Variants in PCSK5 observed in about 807,000 individuals in gnomAD.
PCSK5 encodes proprotein convertase subtilisin/kexin type 5.
In PCSK5, 129 loss-of-function variants were observed where a neutral mutation model predicts 233.2. That is an observed-to-expected ratio of 0.55 (90% CI 0.48 to 0.64). The LOEUF (loss-of-function observed/expected upper bound fraction) is 0.64, where lower values mean the gene tolerates loss of function less well. PCSK5 is among the 30% of genes least tolerant of loss of function. PCSK5 has a pLI of 0.00. For synonymous variants in PCSK5, 825 were observed against 879.2 expected (o/e 0.94, Z 1.09); for missense variants, 2,076 against 2,430.1 (o/e 0.85, Z 3.06).
chr9:76,284,584 G>A (rs1465763127), intron 24 of PCSK5, among the ~76,000 whole-genome samples: 2 of 143,458 alleles, frequency 1.4e-5, no homozygotes, highest in African/African-American at 5.2e-5. Context: ...TCAGGCTGGA[G>A]TGCAATGGCG....
Position 76,055,269 on chromosome 9 carries a change from TC to T in PCSK5, c.633-12681del, listed in dbSNP as rs902633735. Among the ~76,000 whole-genome samples, 92 of 152,200 alleles carry T rather than the reference TC, an allele frequency of 6.0e-4. 3 individuals are homozygous for T. Among genetic ancestry groups the T allele is most frequent in the African/African-American group, 2.0e-3 (84 of 41,562 alleles). ...TTTGAACAAGTTTTCCTGACTCTCT[TC>T]CCCCATAACAAAAAATTTACTGTTT... On this transcript the variant is annotated intron_variant, in intron 5 of 37. Coordinates refer to ENST00000674117, the MANE Select transcript of PCSK5 (RefSeq NM_001372043.1).
Position 76,360,356 on chromosome 9 carries a change from T to G in PCSK5, c.*1434T>G, listed in dbSNP as rs144668464. 6.6e-6 allele frequency: 1 copy of G among 152,262 alleles called. No individual in the cohort carries two copies. Among genetic ancestry groups the G allele is most frequent in the Non-Finnish European group, 1.5e-5 (1 of 68,028 alleles). 9.4% of individuals were successfully genotyped at this position (152,262 alleles called of 1,614,324 possible). Reference sequence around the variant, plus strand: ...AGGAAACCTGAGGCTTACAAGAGGTTAGGTAACTAGTCCAAGGTCATGCAA... The same window carrying G: ...AGGAAACCTGAGGCTTACAAGAGGTGAGGTAACTAGTCCAAGGTCATGCAA... On this transcript the variant is annotated 3_prime_UTR_variant, in exon 38 of 38. Transcript: ENST00000674117.
In PCSK5 at chr9:76,121,886, G is replaced by C. The variant is rs1334620353; in HGVS notation, c.1209-12223G>C. Reference sequence around the variant, plus strand: ...TCGCCCAGGCTGGAGTGCAGTGGCGGGATCTCGGCTCACTGCAAGCTCCGC... The same window carrying C: ...TCGCCCAGGCTGGAGTGCAGTGGCGCGATCTCGGCTCACTGCAAGCTCCGC... On this transcript the variant is annotated intron_variant, in intron 9 of 37. Transcript: ENST00000674117. Among the ~76,000 whole-genome samples, 58 of 42,544 alleles carry C rather than the reference G, an allele frequency of 1.4e-3. 13 individuals carry two copies. Among genetic ancestry groups the C allele is most frequent in the Non-Finnish European group, 6.2e-5 (1 of 16,178 alleles). 27.9% of individuals were successfully genotyped at this position (42,544 alleles called of 152,430 possible).
At chr9:76,354,902 T>C (rs887431518) in intron 37 of PCSK5, among the ~76,000 whole-genome samples, 6 of 152,140 alleles carry the variant, frequency 3.9e-5, no homozygotes, top group South Asian at 2.1e-4. Context: ...TTCTTCCCTC[T>C]TGGGAAAAAA....
chr9:75,916,203 T>C lies in PCSK5; in HGVS notation c.193-16176T>C, dbSNP rs189461230. On this transcript the variant is annotated intron_variant, in intron 1 of 37. Coordinates refer to ENST00000674117, the MANE Select transcript of PCSK5 (RefSeq NM_001372043.1). ...GAAAATATGACTCCAAGAACGAATA[T>C]GTACTTTAGCATTTAGCCTATTTAG... Among the ~76,000 whole-genome samples, 169 of 152,330 alleles carry C rather than the reference T, an allele frequency of 1.1e-3. 1 individual carries two copies. The highest frequency in any genetic ancestry group is 2.2e-3 in the Non-Finnish European group (147 of 68,036).
At chr9:76,237,605 A>C (rs574367977) in intron 22 of PCSK5, among the ~76,000 whole-genome samples, 1 of 147,660 alleles carries the variant, frequency 6.8e-6, no homozygotes, top group Non-Finnish European at 1.5e-5. Context: ...CTATCTCTAC[A>C]AAACATACAA....
At chr9:75,925,562 G>C (rs1472947886) in intron 1 of PCSK5, among the ~76,000 whole-genome samples, 1 of 152,144 alleles carries the variant, frequency 6.6e-6, no homozygotes, top group African/African-American at 2.4e-5. Flanking sequence ...AATAAATCAG[G>C]GTATGGGGTA....
At chr9:76,212,087 C>T (rs1477996473) in intron 20 of PCSK5, among the ~76,000 whole-genome samples, 4 of 152,214 alleles carry the variant, frequency 2.6e-5, no homozygotes, top group Non-Finnish European at 5.9e-5. Flanking sequence ...TTTGTAACTA[C>T]TTACCTTCTC....
In PCSK5 at chr9:76,122,655, T is replaced by C. The variant is rs60171218; in HGVS notation, c.1209-11454T>C. 3.5e-3 allele frequency among the ~76,000 whole-genome samples: 536 copies of C among 152,178 alleles called. 4 individuals carry two copies. The highest frequency in any genetic ancestry group is 0.012 in the African/African-American group (494 of 41,514). On this transcript the variant is annotated intron_variant, in intron 9 of 37. Coordinates refer to ENST00000674117, the MANE Select transcript of PCSK5 (RefSeq NM_001372043.1). ...CAACTTTTCATTACAAACTCTTAAG[T>C]TGATCTGTGAAGTCTTAAAAAAAAA...
intron 24 of PCSK5, among the ~76,000 whole-genome samples, chr9:76,243,509 TG>T (rs1385825726): frequency 1.3e-5 from 2 of 152,230 alleles, no homozygotes; most frequent in African/African-American, 4.8e-5. Context: ...CTGTATGTAT[TG>T]GGCCTCATTT....
chr9:76,157,248 A>C, intron 11 of PCSK5, 86 bp downstream of exon 11: 1 of 838,160 alleles, frequency 1.2e-6, no homozygotes, highest in Non-Finnish European at 2.0e-6. Context: ...CTTGTTGCAC[A>C]CAGAAGCTAA....
intron 5 of PCSK5, among the ~76,000 whole-genome samples, chr9:76,039,673 G>T (rs1165095525): frequency 6.6e-6 from 1 of 152,186 alleles, no homozygotes; most frequent in African/African-American, 2.4e-5. Context: ...TTATTGTTAT[G>T]TTGTTACAAT....
chr9:76,301,052 C>G (rs530877931), intron 27 of PCSK5, among the ~76,000 whole-genome samples: 2 of 152,142 alleles, frequency 1.3e-5, no homozygotes, highest in South Asian at 4.2e-4. Flanking sequence ...GTGGGCAGAT[C>G]ACTTGAGGCC....
chr9:76,281,814 A>G (rs1827874625), intron 24 of PCSK5, among the ~76,000 whole-genome samples: 1 of 151,982 alleles, frequency 6.6e-6, no homozygotes, highest in Admixed American at 6.6e-5. Flanking sequence ...ACACTAGGCT[A>G]ATTTTCATAT....
chr9:76,215,128 T>G (rs1825474870), intron 20 of PCSK5, among the ~76,000 whole-genome samples: 1 of 152,224 alleles, frequency 6.6e-6, no homozygotes, highest in Non-Finnish European at 1.5e-5. Flanking sequence ...CAGGCAGCTT[T>G]TCCACAGCCC....
intron 7 of PCSK5, among the ~76,000 whole-genome samples, chr9:76,091,336 C>A (rs1042137034): frequency 6.6e-6 from 1 of 151,840 alleles, no homozygotes; most frequent in African/African-American, 2.4e-5. Context: ...AGAGAGAAAG[C>A]GAGCGAGCTA....
chr9:76,151,954 A>G (rs1564064524), intron 10 of PCSK5, among the ~76,000 whole-genome samples: 1 of 152,212 alleles, frequency 6.6e-6, no homozygotes, highest in Non-Finnish European at 1.5e-5. Flanking sequence ...GAGTGATATA[A>G]TAATTAATTG....
chr9:76,274,012 A>G (rs1039434529), intron 24 of PCSK5, among the ~76,000 whole-genome samples: 16 of 150,792 alleles, frequency 1.1e-4, no homozygotes, highest in Admixed American at 4.0e-4. Flanking sequence ...TTTTATTGTT[A>G]TCAAATATTG....
intron 1 of PCSK5, among the ~76,000 whole-genome samples, chr9:75,912,676 A>G (rs1822798014): frequency 6.6e-6 from 1 of 152,126 alleles, no homozygotes; most frequent in African/African-American, 2.4e-5. Flanking sequence ...CAGACATGTG[A>G]CCCATTCTCT....
Sources: gnomAD v4.1 joint callset for allele counts (sites outside exome capture counted in the v4.1 genomes callset) on GRCh38, gnomAD v4.1.1 for gene constraint, MANE v1.5 for transcripts, NCBI Gene and HGNC (gene_info 2026-07-23, HGNC 2026-07-21) for gene names.